Variants in NMNAT2 observed in about 807,000 individuals in gnomAD.
The protein encoded by NMNAT2 is nicotinamide/nicotinic acid mononucleotide adenylyltransferase 2.
A neutral mutation model predicts 41.6 loss-of-function variants in NMNAT2; 11 were observed. The observed-to-expected ratio is 0.26, with a 90% CI of 0.17 to 0.44. The LOEUF (loss-of-function observed/expected upper bound fraction) is 0.44, where lower values mean the gene tolerates loss of function less well. Among genes scored for constraint, NMNAT2 ranks in the 20% least tolerant of loss-of-function variants. The pLI is 1.00. For missense variants in NMNAT2, 288 were observed against 407.7 expected (o/e 0.71, Z 2.53); for synonymous variants, 148 against 151.2 (o/e 0.98, Z 0.16).
At chr1:183,331,990 C>A (rs1662596983) in intron 1 of NMNAT2, among the ~76,000 whole-genome samples, 1 of 152,142 alleles carries the variant, frequency 6.6e-6, no homozygotes, top group Non-Finnish European at 1.5e-5. Flanking sequence ...ACCATGTTGG[C>A]CAGGCTGGCC....
At chr1:183,401,670 G>A (rs1388086541) in intron 1 of NMNAT2, among the ~76,000 whole-genome samples, 44 of 152,192 alleles carry the variant, frequency 2.9e-4, no homozygotes, top group Middle Eastern at 3.4e-3. Flanking sequence ...CAACCCAAAC[G>A]TCCATCAATG....
intron 8 of NMNAT2, among the ~76,000 whole-genome samples, chr1:183,262,978 G>A (rs577429668): frequency 7.9e-5 from 12 of 152,170 alleles, no homozygotes; most frequent in Admixed American, 3.9e-4. Context: ...ACTGGGGCAC[G>A]GTGGCCCCTT....
At chr1:183,260,195 C>T (rs1282788608) in intron 10 of NMNAT2, among the ~76,000 whole-genome samples, 2 of 152,134 alleles carry the variant, frequency 1.3e-5, no homozygotes, top group Non-Finnish European at 2.9e-5. Flanking sequence ...CTCTGGGTCA[C>T]CTTAAAGACA....
intron 1 of NMNAT2, among the ~76,000 whole-genome samples, chr1:183,365,629 G>A (rs936272172): frequency 6.6e-6 from 1 of 152,002 alleles, no homozygotes; most frequent in African/African-American, 2.4e-5. Context: ...ATGGTGGCGT[G>A]CACCTAGCTG....
At chr1:183,320,191 G>A (rs1662330151) in intron 1 of NMNAT2, among the ~76,000 whole-genome samples, 1 of 152,224 alleles carries the variant, frequency 6.6e-6, no homozygotes, top group African/African-American at 2.4e-5. Context: ...GAGGAGAGAG[G>A]TGATAGTATT....
Position 183,295,106 on chromosome 1 carries a change from C to G in NMNAT2, c.86-1313G>C, listed in dbSNP as rs564704689. On this transcript the variant is annotated intron_variant, in intron 1 of 10. Coordinates refer to ENST00000287713, the MANE Select transcript of NMNAT2 (RefSeq NM_015039.4). ...GCCACCTCTACCTCCTGGGTTCAAG[C>G]AATTCTCATGCCTCAGCCTCCCAAG... 5.6e-4 allele frequency among the ~76,000 whole-genome samples: 86 copies of G among 152,270 alleles called. 4 individuals carry two copies. Among genetic ancestry groups the G allele is most frequent in the Non-Finnish European group, 3.8e-4 (26 of 68,020 alleles).
At chr1:183,413,316 C>T (rs182584326) in intron 1 of NMNAT2, among the ~76,000 whole-genome samples, 2 of 152,250 alleles carry the variant, frequency 1.3e-5, no homozygotes, top group East Asian at 3.9e-4. Context: ...TTTTTCTGGG[C>T]TCAAGCGGAC....
chr1:183,296,101 C>T (rs1459104880), intron 1 of NMNAT2, among the ~76,000 whole-genome samples: 4 of 152,134 alleles, frequency 2.6e-5, no homozygotes, highest in East Asian at 1.9e-4. Context: ...CCGCCTGCCA[C>T]GGCCTCCCAA....
At chr1:183,261,325 C>T in intron 8 of NMNAT2, 22 bp from the exon 9 acceptor site, 1 of 1,595,704 alleles carries the variant, frequency 6.3e-7, no homozygotes, top group Non-Finnish European at 8.6e-7. Flanking sequence ...GAGAGAGGGC[C>T]CTTTGGTGAA....
rs530185352 is a variant in NMNAT2 at position 183,253,022 on chromosome 1, G to A, written c.822-279C>T. ...TTCCTGTAAAATGAGGGTAATATCT[G>A]GGCCCCTCTCATTTAGTTATTCAAA... On this transcript the variant is annotated intron_variant, in intron 10 of 10. Coordinates refer to ENST00000287713, the MANE Select transcript of NMNAT2 (RefSeq NM_015039.4). Among the ~76,000 whole-genome samples the A allele has an allele frequency of 2.0e-5, 3 of 152,056 alleles. No homozygotes were observed. In the East Asian group the frequency reaches 5.8e-4, roughly 29 times the overall value.
chr1:183,293,003 G>A (rs988202240), intron 2 of NMNAT2, 146 bp from the exon 3 acceptor site: 13 of 758,652 alleles, frequency 1.7e-5, no homozygotes, highest in East Asian at 5.4e-5. Flanking sequence ...TTACTTGTCC[G>A]TTTGCCACAC....
At chr1:183,275,695 CAG>C (rs1393849517) in intron 8 of NMNAT2, among the ~76,000 whole-genome samples, 1 of 151,786 alleles carries the variant, frequency 6.6e-6, no homozygotes, top group Non-Finnish European at 1.5e-5. Flanking sequence ...ATTTTTTAGA[CAG>C]AGTCTTGCTC....
chr1:183,374,742 T>C (rs1663634567), intron 1 of NMNAT2, among the ~76,000 whole-genome samples: 1 of 152,180 alleles, frequency 6.6e-6, no homozygotes, highest in Admixed American at 6.5e-5. Context: ...CAGATGGCTT[T>C]CCATCTTCTC....
chr1:183,307,376 G>C (rs1383706905), intron 1 of NMNAT2, among the ~76,000 whole-genome samples: 1 of 149,656 alleles, frequency 6.7e-6, no homozygotes, highest in African/African-American at 2.5e-5. Flanking sequence ...GTGTGATCTC[G>C]GCTCACTGCA....
At chr1:183,386,886 C>A (rs1648264775) in intron 1 of NMNAT2, among the ~76,000 whole-genome samples, 1 of 151,968 alleles carries the variant, frequency 6.6e-6, no homozygotes, top group South Asian at 2.1e-4. Context: ...TTTTATTATA[C>A]AGAGATGCAA....
intron 1 of NMNAT2, among the ~76,000 whole-genome samples, chr1:183,401,034 C>A (rs1648794159): frequency 6.6e-6 from 1 of 152,166 alleles, no homozygotes; most frequent in African/African-American, 2.4e-5. Context: ...ACATGAAAAG[C>A]AATGGCAACA....
intron 4 of NMNAT2, among the ~76,000 whole-genome samples, chr1:183,287,822 G>A (rs1009566873): frequency 2.6e-5 from 4 of 152,242 alleles, no homozygotes; most frequent in Non-Finnish European, 4.4e-5. Context: ...CAAGGCTGGG[G>A]TGATCTTCTG....
intron 1 of NMNAT2, among the ~76,000 whole-genome samples, chr1:183,356,877 G>C (rs1418936332): frequency 6.6e-6 from 1 of 152,208 alleles, no homozygotes; most frequent in African/African-American, 2.4e-5. Context: ...TCTACCGTTA[G>C]AATTCACAGC....
intron 8 of NMNAT2, among the ~76,000 whole-genome samples, chr1:183,268,188 T>G (rs917026702): frequency 6.6e-6 from 1 of 152,010 alleles, no homozygotes; most frequent in African/African-American, 2.4e-5. Context: ...GAGAAAACAC[T>G]CATGATCCAG....
Sources: allele counts gnomAD v4.1 joint callset (sites outside exome capture counted in the v4.1 genomes callset), GRCh38; gene constraint gnomAD v4.1.1; transcripts MANE v1.5; gene names NCBI Gene and HGNC (gene_info 2026-07-23, HGNC 2026-07-21).